Variants in TNFRSF17 observed in about 807,000 individuals in gnomAD.
The protein encoded by TNFRSF17 is tumor necrosis factor receptor superfamily member 17.
A neutral mutation model predicts 9.9 loss-of-function variants in TNFRSF17; 13 were observed. The ratio of observed to expected loss-of-function variants is 1.31; its 90% CI spans 0.85 to 2.08. The LOEUF (loss-of-function observed/expected upper bound fraction) is 2.08, where lower values mean the gene tolerates loss of function less well. Among genes scored for constraint, TNFRSF17 ranks in the 30% most tolerant of loss-of-function variants. The pLI, the probability that TNFRSF17 is intolerant of heterozygous loss-of-function variation, is 0.00. For missense variants in TNFRSF17, 305 were observed against 225.8 expected (o/e 1.35, Z -2.25); for synonymous variants, 99 against 83.7 (o/e 1.18, Z -1.00).
In TNFRSF17 at chr16:11,967,937, C is replaced by A; in HGVS notation, c.*90C>A. 1 of 1,430,650 alleles carries A rather than the reference C, an allele frequency of 7.0e-7. No homozygotes were observed. The allele number at this position is 1,430,650 out of a possible 1,614,324, so 88.6% of individuals were successfully genotyped here. ...ATCTCTTTAGGATGACTGTATTTTT[C>A]AGTTGCCGATACAGCTTTTTGTCCT... On this transcript the variant is annotated 3_prime_UTR_variant, in exon 3 of 3. Transcript: ENST00000053243.
At chr16:11,966,046 G>A (rs539337453) in intron 1 of TNFRSF17, 149 bp from the exon 2 acceptor site, 3 of 602,724 alleles carry the variant, frequency 5.0e-6, no homozygotes, top group Middle Eastern at 4.9e-4. Flanking sequence ...GGGAGGTGGA[G>A]GTTGCAGTGA....
intron 2 of TNFRSF17, chr16:11,967,097 T>C: frequency 4.6e-6 from 1 of 218,490 alleles, no homozygotes; most frequent in South Asian, 5.4e-5. Context: ...GCCTCTTGGG[T>C]TCAAACAATT....
In TNFRSF17 at chr16:11,967,587, A is replaced by G. The variant is rs1414422792; in HGVS notation, c.295A>G (p.Met99Val). Residue 99 changes from methionine to valine, a missense_variant, in exon 3 of 3, where the codon ATG becomes GTG. By Grantham distance (21) the Met-to-Val change is conservative (BLOSUM62 1). Transcript: ENST00000053243. The part of the protein sequence containing the change: ...FKNTGSGLLG[M>V]ANIDLEKSRT... The stretch of plus-strand genomic sequence containing the variant: ...ATAATTAGGATCAGGTCTCCTGGGC[A>G]TGGCTAACATTGACCTGGAAAAGAG... 6.2e-7 allele frequency: 1 copy of G among 1,613,236 alleles called. No homozygotes were observed. Among genetic ancestry groups the G allele is most frequent in the Non-Finnish European group, 8.5e-7 (1 of 1,179,372 alleles).
rs2055204479 is a variant in TNFRSF17 at position 11,967,502 on chromosome 16, C to T, written c.278-68C>T. ...ACATTGCTTTGAGTCCCGATGTGTA[C>T]TGCTAAGACTCTCATGACCACATTC... is the stretch of plus-strand genomic sequence containing the variant. On this transcript the variant is annotated intron_variant, in intron 2 of 2. Transcript: ENST00000053243. 7.3e-6 allele frequency: 11 copies of T among 1,497,000 alleles called. No individual in the cohort carries two copies. In the South Asian group the frequency reaches 1.1e-4, roughly 15 times the overall value. The allele number at this position is 1,497,000 out of a possible 1,614,324, so 92.7% of individuals were successfully genotyped here. A position where few individuals can be genotyped will look rare whatever the true frequency, so the allele number is the denominator to read the frequency against.
rs2055191346 is a variant in TNFRSF17 at position 11,966,102 on chromosome 16, C to A, written c.131-93C>A. 5.9e-6 allele frequency: 8 copies of A among 1,354,164 alleles called. No individual in the cohort carries two copies. In the East Asian group the frequency reaches 7.9e-5, roughly 13 times the overall value. The allele number at this position is 1,354,164 out of a possible 1,614,324, so 83.9% of individuals were successfully genotyped here. The stretch of plus-strand genomic sequence containing the variant: ...CTCTAGCCTGGGCAACAGAGCAAGA[C>A]TTTGTCTCAAAATAAATAAATAAAT... On this transcript the variant is annotated intron_variant, in intron 1 of 2. Transcript: ENST00000053243.
intron 1 of TNFRSF17, 41 bp downstream of exon 1, chr16:11,965,495 T>A (rs1486420611): frequency 1.2e-6 from 2 of 1,603,730 alleles, no homozygotes; most frequent in Admixed American, 1.7e-5. Flanking sequence ...TGGTGTGAAC[T>A]ATTCTGTCTA....
rs201687396 is a variant in TNFRSF17 at position 11,968,055 on chromosome 16, C to T, written c.*208C>T. ...ACTTCCTTGGTTTCATGATTAAACT[C>T]TTTTTTTTCCTGACATCTAAGTTTT... is the stretch of plus-strand genomic sequence containing the variant. On this transcript the variant is annotated 3_prime_UTR_variant, in exon 3 of 3. Coordinates refer to ENST00000053243, the MANE Select transcript of TNFRSF17 (RefSeq NM_001192.3). 338 of 507,898 alleles carry T rather than the reference C, an allele frequency of 6.7e-4. No individual in the cohort carries two copies. Among genetic ancestry groups the T allele is most frequent in the East Asian group, 1.6e-3 (44 of 27,034 alleles). The allele number at this position is 507,898 out of a possible 1,614,324, so 31.5% of individuals were successfully genotyped here. A position where few individuals can be genotyped will look rare whatever the true frequency, so the allele number is the denominator to read the frequency against.
chr16:11,967,725 C>A lies in TNFRSF17; in HGVS notation c.433C>A (p.Pro145Thr). ...GAAGGTCGACTCTGACCATTGCTTT[C>A]CACTCCCAGCTATGGAGGAAGGCGC... ...KPKVDSDHCF[P>T]LPAMEEGATI... Residue 145 changes from proline (P) to threonine (T), a missense_variant, in exon 3 of 3, where the codon CCA (proline) becomes ACA (threonine). Coordinates refer to ENST00000053243, the MANE Select transcript of TNFRSF17 (RefSeq NM_001192.3). The A allele has an allele frequency of 6.2e-7, 1 of 1,614,198 alleles. No homozygotes were observed.
In TNFRSF17 at chr16:11,967,844, GTAAT is replaced by G; in HGVS notation, c.*1_*4del. 1 of 1,612,610 alleles carries G rather than the reference GTAAT, an allele frequency of 6.2e-7. No individual in the cohort carries two copies. Among genetic ancestry groups the G allele is most frequent in the Non-Finnish European group, 8.5e-7 (1 of 1,178,954 alleles). On this transcript the variant is annotated stop_retained_variant and 3_prime_UTR_variant, in exon 3 of 3. Coordinates refer to ENST00000053243, the MANE Select transcript of TNFRSF17 (RefSeq NM_001192.3). ...AGATAGAGAAATCAATTTCTGCTAG[GTAAT>G]TAACCATTTCGACTCGAGCAGTGCC...
At chr16:11,967,492 C>G in intron 2 of TNFRSF17, 78 bp from the exon 3 acceptor site, 2 of 1,411,342 alleles carry the variant, frequency 1.4e-6, no homozygotes, top group Non-Finnish European at 1.9e-6. Context: ...GCTTTGAGTC[C>G]CGATGTGTAC....
In TNFRSF17 at chr16:11,965,350, C is replaced by T; in HGVS notation, c.26C>T (p.Ser9Phe). 1 of 1,614,146 alleles carries T rather than the reference C, an allele frequency of 6.2e-7. No homozygotes were observed. The highest frequency in any genetic ancestry group is 1.1e-5 in the South Asian group (1 of 91,082). The change falls in exon 1 of 3, where the codon TCC (serine) becomes TTC (phenylalanine). Residue 9 changes from serine (S) to phenylalanine (F), a missense_variant. Coordinates refer to ENST00000053243, the MANE Select transcript of TNFRSF17 (RefSeq NM_001192.3). MLQMAGQC[S>F]QNEYFDSLLH... ...ATGTTGCAGATGGCTGGGCAGTGCT[C>T]CCAAAATGAATATTTTGACAGTTTG... is the stretch of plus-strand genomic sequence containing the variant.
In TNFRSF17 at chr16:11,965,346, T is replaced by C. The variant is rs751325020; in HGVS notation, c.22T>C (p.Cys8Arg). 7 of 1,614,146 alleles carry C rather than the reference T, an allele frequency of 4.3e-6. No individual in the cohort carries two copies. In the East Asian group the frequency reaches 1.6e-4, roughly 36 times the overall value. Residue 8 changes from cysteine to arginine, a missense_variant, in exon 1 of 3, where the codon TGC (cysteine) becomes CGC (arginine). By Grantham distance (180) the Cys-to-Arg change is radical. Coordinates refer to ENST00000053243, the MANE Select transcript of TNFRSF17 (RefSeq NM_001192.3). ...GATCATGTTGCAGATGGCTGGGCAGTGCTCCCAAAATGAATATTTTGACAG... is the reference window on the plus strand; with the variant it reads ...GATCATGTTGCAGATGGCTGGGCAGCGCTCCCAAAATGAATATTTTGACAG... MLQMAGQ[C>R]SQNEYFDSLL...
intron 2 of TNFRSF17, 103 bp downstream of exon 2, chr16:11,966,444 G>C: frequency 2.5e-6 from 3 of 1,208,752 alleles, no homozygotes; most frequent in Admixed American, 2.2e-5. Flanking sequence ...CTTCGTTACA[G>C]CCCTTTCGAA....
chr16:11,965,955 C>T (rs1347519239), intron 1 of TNFRSF17, among the ~76,000 whole-genome samples: 1 of 151,950 alleles, frequency 6.6e-6, no homozygotes, highest in African/African-American at 2.4e-5. Context: ...ACTAAAAATA[C>T]AAAAAATTAG....
Position 11,967,984 on chromosome 16 carries a change from G to C in TNFRSF17, c.*137G>C. On this transcript the variant is annotated 3_prime_UTR_variant, in exon 3 of 3. Coordinates refer to ENST00000053243, the MANE Select transcript of TNFRSF17 (RefSeq NM_001192.3). ...TCCTCTAACTGTGGAAACTCTTTAT[G>C]TTAGATATATTTCTCTAGGTTACTG... is the stretch of plus-strand genomic sequence containing the variant. The C allele has an allele frequency of 1.0e-6, 1 of 957,020 alleles. No individual in the cohort carries two copies. The highest frequency in any genetic ancestry group is 1.5e-6 in the Non-Finnish European group (1 of 662,182). 59.3% of individuals were successfully genotyped at this position (957,020 alleles called of 1,614,324 possible).
chr16:11,965,306 T>A lies in TNFRSF17; in HGVS notation c.-19T>A. On this transcript the variant is annotated 5_prime_UTR_variant, in exon 1 of 3. The change creates a new upstream start codon in the 5' untranslated region. Transcript: ENST00000053243. ...CCAGGCTGTTCTTTCTGTAGCTCCC[T>A]TGTTTTCTTTTTGTGATCATGTTGC... 1 of 1,614,022 alleles carries A rather than the reference T, an allele frequency of 6.2e-7. No homozygotes were observed. Among genetic ancestry groups the A allele is most frequent in the Middle Eastern group, 1.6e-4 (1 of 6,062 alleles).
In TNFRSF17 at chr16:11,967,474, C is replaced by G; in HGVS notation, c.278-96C>G. ...ACCTCTAAAAAATGAAAAAATCTCT[C>G]TCACATTGCTTTGAGTCCCGATGTG... On this transcript the variant is annotated intron_variant, in intron 2 of 2. Coordinates refer to ENST00000053243, the MANE Select transcript of TNFRSF17 (RefSeq NM_001192.3). The G allele has an allele frequency of 5.4e-6, 7 of 1,294,814 alleles. No individual in the cohort carries two copies. In the South Asian group the frequency reaches 1.0e-4, roughly 18 times the overall value. 80.2% of individuals were successfully genotyped at this position (1,294,814 alleles called of 1,614,324 possible).
Position 11,967,770 on chromosome 16 carries a change from A to C in TNFRSF17, c.478A>C (p.Lys160Gln), listed in dbSNP as rs771408651. ...EEGATILVTTKTNDYCKSLPA... is the reference protein window; with the variant it reads ...EEGATILVTTQTNDYCKSLPA... The stretch of plus-strand genomic sequence containing the variant: ...AGGCGCAACCATTCTTGTCACCACG[A>C]AAACGAATGACTATTGCAAGAGCCT... Residue 160 changes from lysine to glutamine, a missense_variant, in exon 3 of 3, where the codon AAA becomes CAA. Physicochemically the swap from Lys to Gln is moderately conservative, Grantham distance 53 (BLOSUM62 1). Transcript: ENST00000053243. 1.2e-5 allele frequency: 20 copies of C among 1,614,124 alleles called. No homozygotes were observed. Among genetic ancestry groups the C allele is most frequent in the Non-Finnish European group, 1.6e-5 (19 of 1,180,050 alleles).
chr16:11,965,362 A>G lies in TNFRSF17; in HGVS notation c.38A>G (p.Tyr13Cys), dbSNP rs1234414869. Residue 13 changes from tyrosine (Y) to cysteine (C), a missense_variant, in exon 1 of 3, where the codon TAT (tyrosine) becomes TGT (cysteine). Tyr to Cys is a radical substitution (Grantham distance 194, BLOSUM62 -2). Coordinates refer to ENST00000053243, the MANE Select transcript of TNFRSF17 (RefSeq NM_001192.3). The stretch of plus-strand genomic sequence containing the variant: ...GCTGGGCAGTGCTCCCAAAATGAAT[A>G]TTTTGACAGTTTGTTGCATGCTTGC... ...QMAGQCSQNE[Y>C]FDSLLHACIP... The G allele has an allele frequency of 1.9e-6, 3 of 1,614,098 alleles. No individual in the cohort carries two copies. Among genetic ancestry groups the G allele is most frequent in the Admixed American group, 3.3e-5 (2 of 60,004 alleles).
Sources: allele counts gnomAD v4.1 joint callset (sites outside exome capture counted in the v4.1 genomes callset), GRCh38; gene constraint gnomAD v4.1.1; transcripts MANE v1.5; gene names NCBI Gene and HGNC (gene_info 2026-07-23, HGNC 2026-07-21).